DACH2: variants seen among roughly 807,000 people sequenced by gnomAD.
DACH2 encodes the protein dachshund family transcription factor 2.
DACH2 carries 17 observed loss-of-function variants against 35.8 expected under a neutral mutation model. The observed-to-expected ratio is 0.48, with a 90% CI of 0.33 to 0.71. The LOEUF is 0.71. Ranked by LOEUF, DACH2 falls within the 30% of genes least tolerant of loss-of-function variation. The pLI is 0.02. For synonymous variants in DACH2, 195 were observed against 177.3 expected, an observed-to-expected ratio of 1.10 and a Z score of -0.79; for missense variants, 469 against 472.7, an observed-to-expected ratio of 0.99 and a Z score of 0.07.
intron 6 of DACH2, among the ~76,000 whole-genome samples, chrX:86,724,482 G>T (rs2041442811): frequency 9.0e-6 from 1 of 111,350 alleles, no homozygotes; most frequent in South Asian, 3.7e-4. Context: ...TGCTTGTCTG[G>T]CAGTTTTTTC....
At chrX:86,513,287 A>G (rs182612677) in intron 2 of DACH2, among the ~76,000 whole-genome samples, 113 of 112,056 alleles carry the variant, frequency 1.0e-3, no homozygotes, top group African/African-American at 3.5e-3. Flanking sequence ...GTCAAAACTC[A>G]TATCATTCAG....
rs2040684929 is a variant in DACH2, at chrX:86,667,305, A to AAG, written c.772+16138_772+16139insAG. Among the ~76,000 whole-genome samples the AAG allele has an allele frequency of 1.2e-4, 4 of 33,933 alleles. No homozygotes were observed. In the South Asian group the frequency reaches 9.0e-3, roughly 77 times the overall value. 29.5% of individuals were successfully genotyped at this position (33,933 alleles called of 115,157 possible). A position where few individuals can be genotyped will look rare whatever the true frequency, so the allele number is the denominator to read the frequency against. ...AGAGAGGAAGGAAGGAAGGAAGGAA[A>AAG]GAAGGAAGGAAGGAAGGAAGGAAGG... On this transcript the variant is annotated intron_variant, in intron 4 of 11. Coordinates refer to ENST00000373125, the MANE Select transcript of DACH2 (RefSeq NM_053281.3).
intron 2 of DACH2, among the ~76,000 whole-genome samples, chrX:86,508,563 A>AT (rs1354779017): frequency 9.7e-6 from 1 of 102,939 alleles, no homozygotes; most frequent in African/African-American, 3.8e-5. Flanking sequence ...CTGTCTCAAA[A>AT]TAAAAAAAAA....
At chrX:86,794,664 C>T (rs769678540) in intron 7 of DACH2, among the ~76,000 whole-genome samples, 1 of 111,448 alleles carries the variant, frequency 9.0e-6, no homozygotes, top group African/African-American at 3.3e-5. Context: ...TTTTGCTAAC[C>T]AGTGAGTCAA....
intron 7 of DACH2, among the ~76,000 whole-genome samples, chrX:86,758,742 A>G (rs1307263183): frequency 8.9e-6 from 1 of 111,986 alleles, no homozygotes; most frequent in Non-Finnish European, 1.9e-5. Context: ...TGTTAGGTCT[A>G]TTTGGTCTAA....
intron 7 of DACH2, among the ~76,000 whole-genome samples, chrX:86,796,019 G>A (rs1347932058): frequency 1.8e-5 from 2 of 111,846 alleles, no homozygotes; most frequent in South Asian, 3.8e-4. Flanking sequence ...CAGCGTGGAG[G>A]GGGACCTGAG....
At chrX:86,277,145 A>C (rs894627337) in intron 1 of DACH2, among the ~76,000 whole-genome samples, 1 of 111,412 alleles carries the variant, frequency 9.0e-6, no homozygotes, top group Non-Finnish European at 1.9e-5. Flanking sequence ...AACAATATTG[A>C]TTCTTCTAAT....
intron 2 of DACH2, among the ~76,000 whole-genome samples, chrX:86,479,493 C>A (rs2148232321): frequency 9.0e-6 from 1 of 111,508 alleles, no homozygotes; most frequent in South Asian, 3.8e-4. Context: ...CTATAACTAT[C>A]TTATACTTGA....
intron 3 of DACH2, among the ~76,000 whole-genome samples, chrX:86,650,460 A>C (rs2040465464): frequency 9.0e-6 from 1 of 111,110 alleles, no homozygotes. Flanking sequence ...ATGCACTAGA[A>C]AAGGGTTCCT....
At chrX:86,546,404 CCTTCTTCTTCTTCT>C (rs2038967300) in intron 3 of DACH2, among the ~76,000 whole-genome samples, 31 of 21,664 alleles carry the variant, frequency 1.4e-3, no homozygotes, top group South Asian at 4.0e-3. Flanking sequence ...TCTTCTTCTT[CCTTCTTCTTCTTCT>C]TTCTTCTTCT....
chrX:86,582,839 A>G (rs2039519416), intron 3 of DACH2, among the ~76,000 whole-genome samples: 1 of 110,898 alleles, frequency 9.0e-6, no homozygotes, highest in Admixed American at 9.7e-5. Context: ...AATGAGGAGG[A>G]GAAACTCCTG....
At chrX:86,428,006 T>C in intron 2 of DACH2, among the ~76,000 whole-genome samples, 1 of 111,757 alleles carries the variant, frequency 8.9e-6, no homozygotes, top group South Asian at 3.7e-4. Context: ...TGGATTGTTA[T>C]TCAAATTTCA....
intron 4 of DACH2, among the ~76,000 whole-genome samples, chrX:86,681,982 A>C (rs1470187045): frequency 9.0e-6 from 1 of 111,088 alleles, no homozygotes; most frequent in Non-Finnish European, 1.9e-5. Context: ...CATTTTCAAA[A>C]GACAGAGAAA....
chrX:86,628,018 G>C (rs1269335498), intron 3 of DACH2, among the ~76,000 whole-genome samples: 1 of 112,074 alleles, frequency 8.9e-6, no homozygotes, highest in Non-Finnish European at 1.9e-5. Flanking sequence ...ACCGCTTCTA[G>C]AGAAGCATAC....
At chrX:86,487,713 C>T (rs769322280) in intron 2 of DACH2, among the ~76,000 whole-genome samples, 4 of 111,913 alleles carry the variant, frequency 3.6e-5, no homozygotes, top group South Asian at 3.7e-4. Flanking sequence ...AAAAATAATA[C>T]GGTGTTTAAT....
At chrX:86,220,774 AT>A (rs1320392963) in intron 1 of DACH2, among the ~76,000 whole-genome samples, 1 of 111,911 alleles carries the variant, frequency 8.9e-6, no homozygotes, top group Non-Finnish European at 1.9e-5. Flanking sequence ...ACTATTTTTA[AT>A]TTTTTGAAGA....
chrX:86,173,079 A>G (rs748612754), intron 1 of DACH2, among the ~76,000 whole-genome samples: 10 of 112,341 alleles, frequency 8.9e-5, no homozygotes, highest in African/African-American at 2.9e-4. Context: ...ATACTATGCT[A>G]GGATCTGTGG....
chrX:86,748,494 C>T (rs1161236894), intron 7 of DACH2, among the ~76,000 whole-genome samples: 2 of 111,612 alleles, frequency 1.8e-5, no homozygotes, highest in Non-Finnish European at 3.8e-5. Flanking sequence ...TAACTAGATT[C>T]ATTTGCAGTG....
intron 1 of DACH2, among the ~76,000 whole-genome samples, chrX:86,203,970 G>A (rs1258150368): frequency 9.0e-6 from 1 of 111,612 alleles, no homozygotes; most frequent in African/African-American, 3.3e-5. Flanking sequence ...CAATTCCTGA[G>A]TTCAGAAACA....
Sources: gnomAD v4.1 joint callset for allele counts (sites outside exome capture counted in the v4.1 genomes callset) on GRCh38, gnomAD v4.1.1 for gene constraint, MANE v1.5 for transcripts, NCBI Gene and HGNC (gene_info 2026-07-23, HGNC 2026-07-21) for gene names.